LIMS4: variants seen among roughly 807,000 people sequenced by gnomAD.
The protein encoded by LIMS4 is LIM zinc finger domain containing 4, also known as LIM and senescent cell antigen-like-containing domain protein 4.
the LIMS4 span, among the ~76,000 whole-genome samples, chr2:110,423,168 T>TCCCG: frequency 1.0e-5 from 1 of 98,638 alleles, no homozygotes; most frequent in African/African-American, 6.0e-5. Flanking sequence ...TTCTGCTGTG[T>TCCCG]CCCGCAGGCA....
At chr2:110,392,567 G>A in the LIMS4 span, among the ~76,000 whole-genome samples, 5 of 152,098 alleles carry the variant, frequency 3.3e-5, no homozygotes, top group Non-Finnish European at 1.5e-5. Flanking sequence ...ACCCAGAGCA[G>A]TTTCCTCCCC....
the LIMS4 span, chr2:110,386,675 G>A: frequency 2.8e-6 from 2 of 723,636 alleles, 1 homozygote; most frequent in Non-Finnish European, 4.7e-6. Flanking sequence ...GGTGCCTCCT[G>A]CAGCTCCCGC....
chr2:110,359,350 AAACAC>A, the LIMS4 span, among the ~76,000 whole-genome samples: 1 of 109,722 alleles, frequency 9.1e-6, no homozygotes, highest in Non-Finnish European at 1.8e-5. Context: ...ATTCAAAAGA[AAACAC>A]AAAACAAAAC....
chr2:110,373,768 C>A, the LIMS4 span, among the ~76,000 whole-genome samples: 1 of 149,378 alleles, frequency 6.7e-6, no homozygotes, highest in Admixed American at 6.6e-5. Context: ...CCCGACTGGC[C>A]CCTGTGGTGG....
At chr2:110,385,121 C>T in the LIMS4 span, among the ~76,000 whole-genome samples, 1 of 139,070 alleles carries the variant, frequency 7.2e-6, no homozygotes, top group Non-Finnish European at 1.5e-5. Context: ...CCTCGGGACC[C>T]TCACTCTAAT....
the LIMS4 span, among the ~76,000 whole-genome samples, chr2:110,367,110 G>A: frequency 6.6e-5 from 10 of 151,068 alleles, no homozygotes; most frequent in East Asian, 1.7e-3. Context: ...CATGCTCAAG[G>A]ATAGAAAGAA....
chr2:110,395,974 G>C, the LIMS4 span, among the ~76,000 whole-genome samples: 1 of 141,292 alleles, frequency 7.1e-6, no homozygotes, highest in Non-Finnish European at 1.5e-5. Context: ...ACCACAGGGT[G>C]GGGCAGCCTT....
At chr2:110,366,789 A>C in the LIMS4 span, among the ~76,000 whole-genome samples, 35 of 151,646 alleles carry the variant, frequency 2.3e-4, no homozygotes, top group East Asian at 6.6e-3. Flanking sequence ...TACCTAGAAA[A>C]CCCCATAGTC....
the LIMS4 span, among the ~76,000 whole-genome samples, chr2:110,426,808 C>A: frequency 7.4e-6 from 1 of 135,376 alleles, no homozygotes; most frequent in Non-Finnish European, 1.5e-5. Flanking sequence ...CATGAGTGTG[C>A]AATATCTATT....
the LIMS4 span, among the ~76,000 whole-genome samples, chr2:110,392,102 T>C: frequency 6.6e-6 from 1 of 152,094 alleles, no homozygotes; most frequent in Non-Finnish European, 1.5e-5. Flanking sequence ...GTTTCATCTG[T>C]GCATTCTATT....
chr2:110,390,274 G>A, the LIMS4 span, among the ~76,000 whole-genome samples: 4 of 142,836 alleles, frequency 2.8e-5, no homozygotes, highest in South Asian at 4.4e-4. Flanking sequence ...CATGGACCAC[G>A]CATCCTGGAC....
the LIMS4 span, among the ~76,000 whole-genome samples, chr2:110,425,015 T>C: frequency 1.4e-5 from 2 of 143,594 alleles, no homozygotes; most frequent in African/African-American, 2.9e-5. Context: ...CGGTCAGCTT[T>C]GCGGAAGCTT....
the LIMS4 span, among the ~76,000 whole-genome samples, chr2:110,425,639 A>G: frequency 7.0e-6 from 1 of 142,516 alleles, no homozygotes; most frequent in Non-Finnish European, 1.5e-5. Context: ...AAGACAGGGG[A>G]GAGGAGACAT....
At chr2:110,385,131 T>A in the LIMS4 span, among the ~76,000 whole-genome samples, 1 of 142,162 alleles carries the variant, frequency 7.0e-6, no homozygotes. Context: ...CTCACTCTAA[T>A]AAAGGAGTGT....
chr2:110,360,632 T>G, the LIMS4 span: 1 of 1,403,924 alleles, frequency 7.1e-7, no homozygotes, highest in Non-Finnish European at 9.8e-7. Context: ...CTCATCCTTT[T>G]GGATTTGATG....
the LIMS4 span, among the ~76,000 whole-genome samples, chr2:110,425,459 A>G: frequency 7.2e-6 from 1 of 139,612 alleles, no homozygotes; most frequent in South Asian, 2.2e-4. Flanking sequence ...AGGCAGCATT[A>G]TAGTCCTCTA....
the LIMS4 span, chr2:110,363,869 GAAAC>G: frequency 4.8e-6 from 1 of 207,300 alleles, no homozygotes; most frequent in Non-Finnish European, 9.9e-6. Context: ...GTTAAATATA[GAAAC>G]AAGCCAGGCG....
chr2:110,432,925 C>T, the LIMS4 span, among the ~76,000 whole-genome samples: 43 of 134,888 alleles, frequency 3.2e-4, no homozygotes, highest in African/African-American at 1.0e-3. Flanking sequence ...TTGGCGAGGT[C>T]GGTCTCACTC....
the LIMS4 span, among the ~76,000 whole-genome samples, chr2:110,373,629 G>A: frequency 1.3e-5 from 2 of 151,480 alleles, no homozygotes; most frequent in Admixed American, 6.5e-5. Context: ...GAGGCCCAGA[G>A]AAGTAAGGTG....
Sources: gnomAD v4.1 joint callset for allele counts (sites outside exome capture counted in the v4.1 genomes callset) on GRCh38, gnomAD v4.1.1 for gene constraint, MANE v1.5 for transcripts, NCBI Gene and HGNC (gene_info 2026-07-23, HGNC 2026-07-21) for gene names.